NOS1AP: variants seen among roughly 807,000 people sequenced by gnomAD.
The protein encoded by NOS1AP is carboxyl-terminal PDZ ligand of neuronal nitric oxide synthase protein.
A neutral mutation model predicts 56.2 loss-of-function variants in NOS1AP; 21 were observed. The observed-to-expected ratio is 0.37, with a 90% CI of 0.26 to 0.54. The LOEUF (loss-of-function observed/expected upper bound fraction) is 0.54, where lower values mean the gene tolerates loss of function less well. Ranked by LOEUF, NOS1AP falls within the 20% of genes least tolerant of loss-of-function variation. NOS1AP has a pLI of 0.84. For synonymous variants in NOS1AP, 270 were observed against 274.6 expected (o/e 0.98, Z 0.17); for missense variants, 522 against 657.8 (o/e 0.79, Z 2.26).
At chr1:162,293,591 C>T (rs544504723) in intron 3 of NOS1AP, among the ~76,000 whole-genome samples, 6 of 152,264 alleles carry the variant, frequency 3.9e-5, no homozygotes, top group South Asian at 2.1e-4. Context: ...CATTTGCACT[C>T]AACAGATTAA....
chr1:162,126,407 G>A (rs1429504989), intron 1 of NOS1AP, among the ~76,000 whole-genome samples: 2 of 152,058 alleles, frequency 1.3e-5, no homozygotes, highest in African/African-American at 4.8e-5. Flanking sequence ...TTTGGGACAG[G>A]GAAGTCACAG....
intron 1 of NOS1AP, among the ~76,000 whole-genome samples, chr1:162,094,559 G>A (rs771462501): frequency 1.3e-5 from 2 of 152,190 alleles, no homozygotes; most frequent in Non-Finnish European, 2.9e-5. Flanking sequence ...AACATCTGCT[G>A]AGTGTCTGAG....
At chr1:162,279,358 T>G (rs1239540199) in intron 2 of NOS1AP, among the ~76,000 whole-genome samples, 1 of 152,190 alleles carries the variant, frequency 6.6e-6, no homozygotes, top group African/African-American at 2.4e-5. Flanking sequence ...AGTCCGAGAT[T>G]GCTTGCACTT....
At chr1:162,256,577 C>A (rs1170068094) in intron 2 of NOS1AP, among the ~76,000 whole-genome samples, 1 of 152,222 alleles carries the variant, frequency 6.6e-6, no homozygotes, top group Non-Finnish European at 1.5e-5. Context: ...CCTTTCTCAA[C>A]TGCACTGTTT....
intron 4 of NOS1AP, among the ~76,000 whole-genome samples, chr1:162,319,581 A>G (rs1322705310): frequency 6.6e-6 from 1 of 151,006 alleles, no homozygotes; most frequent in Non-Finnish European, 1.5e-5. Flanking sequence ...TTCCACATGC[A>G]GTTTCCATTG....
intron 2 of NOS1AP, among the ~76,000 whole-genome samples, chr1:162,194,882 A>G (rs1651756912): frequency 6.6e-6 from 1 of 152,330 alleles, no homozygotes; most frequent in East Asian, 1.9e-4. Context: ...GTGACCTTGC[A>G]GGAGCTAGAA....
intron 2 of NOS1AP, among the ~76,000 whole-genome samples, chr1:162,186,807 G>A (rs1651448763): frequency 6.6e-6 from 1 of 152,172 alleles, no homozygotes; most frequent in Non-Finnish European, 1.5e-5. Flanking sequence ...TGTTGTTTAA[G>A]CCATTAGTTT....
At chr1:162,256,094 A>G (rs1386730909) in intron 2 of NOS1AP, among the ~76,000 whole-genome samples, 1 of 152,098 alleles carries the variant, frequency 6.6e-6, no homozygotes, top group Non-Finnish European at 1.5e-5. Flanking sequence ...CATTGAGCCA[A>G]GATCGCGCCA....
At chr1:162,070,330 GC>G (rs747112573) in intron 1 of NOS1AP, 48 bp downstream of exon 1, 26 of 1,486,226 alleles carry the variant, frequency 1.7e-5, no homozygotes, top group Non-Finnish European at 2.4e-5. Flanking sequence ...GGTTGGGGGG[GC>G]ATGTTTGAGC....
chr1:162,102,889 G>T (rs1340186623), intron 1 of NOS1AP, among the ~76,000 whole-genome samples: 1 of 152,020 alleles, frequency 6.6e-6, no homozygotes, highest in African/African-American at 2.4e-5. Context: ...CCAGCTACTG[G>T]ATATGTTGAT....
chr1:162,092,408 G>A (rs924783930), intron 1 of NOS1AP, among the ~76,000 whole-genome samples: 1 of 152,182 alleles, frequency 6.6e-6, no homozygotes, highest in African/African-American at 2.4e-5. Context: ...GCCTGGCTTC[G>A]TCAGTCCTGT....
intron 2 of NOS1AP, among the ~76,000 whole-genome samples, chr1:162,285,988 T>C (rs1482545945): frequency 6.6e-6 from 1 of 152,212 alleles, no homozygotes; most frequent in African/African-American, 2.4e-5. Context: ...AGAATGTTTC[T>C]TGTGGAAACA....
chr1:162,241,512 T>C (rs1289390665), intron 2 of NOS1AP, among the ~76,000 whole-genome samples: 2 of 152,142 alleles, frequency 1.3e-5, no homozygotes, highest in African/African-American at 4.8e-5. Flanking sequence ...ACCTTCTGAG[T>C]GCTCAGTACA....
chr1:162,149,512 A>G (rs966254974), intron 1 of NOS1AP, among the ~76,000 whole-genome samples: 1 of 152,226 alleles, frequency 6.6e-6, no homozygotes, highest in African/African-American at 2.4e-5. Flanking sequence ...ATGATTAGTT[A>G]TCAAGGTACT....
intron 4 of NOS1AP, among the ~76,000 whole-genome samples, chr1:162,303,775 T>A (rs948514000): frequency 2.0e-5 from 3 of 152,166 alleles, no homozygotes; most frequent in Admixed American, 2.0e-4. Context: ...TGTATATATA[T>A]TTTTAAGCAT....
chr1:162,221,990 G>A lies in NOS1AP; in HGVS notation c.178-65354G>A, dbSNP rs546365163. Reference sequence around the variant, plus strand: ...TTAATCATTCTCCCATTGAATATTTGTGTCTTAAAAATTATTTGCCATTAT... The same window carrying A: ...TTAATCATTCTCCCATTGAATATTTATGTCTTAAAAATTATTTGCCATTAT... On this transcript the variant is annotated intron_variant, in intron 2 of 9. Coordinates refer to ENST00000361897, the MANE Select transcript of NOS1AP (RefSeq NM_014697.3). 1.4e-3 allele frequency among the ~76,000 whole-genome samples: 218 copies of A among 152,178 alleles called. 1 individual carries two copies. Among genetic ancestry groups the A allele is most frequent in the Admixed American group, 2.9e-3 (45 of 15,280 alleles).
chr1:162,235,678 A>T (rs1409555576), intron 2 of NOS1AP, among the ~76,000 whole-genome samples: 1 of 151,968 alleles, frequency 6.6e-6, no homozygotes, highest in Non-Finnish European at 1.5e-5. Context: ...AATTAAGCAG[A>T]GTAGTGACTG....
intron 2 of NOS1AP, among the ~76,000 whole-genome samples, chr1:162,201,752 T>C (rs527977579): frequency 1.9e-4 from 29 of 152,260 alleles, no homozygotes; most frequent in Non-Finnish European, 3.8e-4. Flanking sequence ...TGTGTTCTTT[T>C]GAAAAGTGTC....
chr1:162,304,004 G>A (rs555394369), intron 4 of NOS1AP, among the ~76,000 whole-genome samples: 1 of 140,280 alleles, frequency 7.1e-6, no homozygotes, highest in South Asian at 2.4e-4. Context: ...TTTATTGATT[G>A]TGCTTTTGGT....
Sources: allele counts gnomAD v4.1 joint callset (sites outside exome capture counted in the v4.1 genomes callset), GRCh38; gene constraint gnomAD v4.1.1; transcripts MANE v1.5; gene names NCBI Gene and HGNC (gene_info 2026-07-23, HGNC 2026-07-21).